The following DLC1 variants were observed in gnomAD, a reference collection of about 807,000 sequenced individuals.
The protein encoded by DLC1 is rho GTPase-activating protein 7.
Under a neutral mutation model 140.3 loss-of-function variants are expected in DLC1, and 54 were observed. The observed-to-expected ratio is 0.38, with a 90% CI of 0.31 to 0.48. The LOEUF (loss-of-function observed/expected upper bound fraction) is 0.48. Ranked by LOEUF, DLC1 falls within the 20% of genes least tolerant of loss-of-function variation. DLC1 has a pLI of 0.96. For synonymous variants in DLC1, 986 were observed against 728.1 expected (o/e 1.35, Z -5.70); for missense variants, 2,536 against 1,907.0 (o/e 1.33, Z -6.14).
intron 5 of DLC1, among the ~76,000 whole-genome samples, chr8:13,178,443 T>G (rs1368758424): frequency 6.6e-6 from 1 of 151,880 alleles, no homozygotes; most frequent in African/African-American, 2.4e-5. Context: ...GCGCCTGTAG[T>G]TCCTCCTAGT....
chr8:13,251,021 G>C (rs1829980367), intron 5 of DLC1, among the ~76,000 whole-genome samples: 2 of 152,202 alleles, frequency 1.3e-5, no homozygotes, highest in South Asian at 4.1e-4. Context: ...TGCTGGACTT[G>C]AAAGTCCAAG....
At chr8:13,508,458 C>G (rs903801285) in intron 1 of DLC1, among the ~76,000 whole-genome samples, 15 of 146,950 alleles carry the variant, frequency 1.0e-4, no homozygotes, top group Non-Finnish European at 1.8e-4. Context: ...CGCTCTGTCG[C>G]CCAGGCTGGA....
At chr8:13,200,200 G>T (rs1056435539) in intron 5 of DLC1, among the ~76,000 whole-genome samples, 1 of 151,638 alleles carries the variant, frequency 6.6e-6, no homozygotes, top group Non-Finnish European at 1.5e-5. Flanking sequence ...ATGCTACCAC[G>T]CCCTGCAAAT....
intron 1 of DLC1, chr8:13,558,840 G>T (rs986692483): frequency 6.6e-6 from 1 of 152,266 alleles, no homozygotes; most frequent in East Asian, 1.9e-4. Flanking sequence ...TGACATAGAT[G>T]AGTGAGTTCA....
intron 1 of DLC1, among the ~76,000 whole-genome samples, chr8:13,529,139 A>C (rs1172219889): frequency 2.0e-5 from 3 of 152,206 alleles, no homozygotes. Flanking sequence ...GTTTTTCTTA[A>C]AATAAAATGG....
intron 2 of DLC1, among the ~76,000 whole-genome samples, chr8:13,423,560 G>C (rs973320754): frequency 6.6e-6 from 1 of 152,038 alleles, no homozygotes. Context: ...AGAAGTATTA[G>C]TATCTTCAGT....
Position 13,100,341 on chromosome 8 carries a change from T to A in DLC1, c.1996A>T (p.Ser666Cys), listed in dbSNP as rs139778805. The change falls in exon 9 of 18, where the codon AGT becomes TGT. Residue 666 changes from serine to cysteine, a missense_variant. Coordinates refer to ENST00000276297, the MANE Select transcript of DLC1 (RefSeq NM_182643.3). Reference protein sequence around the residue: ...HEKTAKSKTRSLLKRMESLKL... With the variant: ...HEKTAKSKTRCLLKRMESLKL... ...AGGCTCTCCATCCGTTTCAGCAGAC[T>A]GCGCGTCTTGGACTTGGCAGTTTTT... 170 of 1,614,242 alleles carry A rather than the reference T, an allele frequency of 1.1e-4. No individual in the cohort carries two copies. The African/African-American group carries it at 1.2e-3, about 11-fold the overall frequency.
intron 1 of DLC1, among the ~76,000 whole-genome samples, chr8:13,505,308 C>T (rs1802006048): frequency 6.6e-6 from 1 of 151,762 alleles, no homozygotes; most frequent in Non-Finnish European, 1.5e-5. Flanking sequence ...GGGAGATAGT[C>T]ACTTTCTGTA....
chr8:13,569,167 T>TATC (rs1563447303), intron 1 of DLC1, among the ~76,000 whole-genome samples: 1 of 152,194 alleles, frequency 6.6e-6, no homozygotes, highest in Non-Finnish European at 1.5e-5. Context: ...AGCCATTTAT[T>TATC]ATCTATTTCC....
intron 5 of DLC1, among the ~76,000 whole-genome samples, chr8:13,238,445 G>A (rs1829391906): frequency 6.6e-6 from 1 of 151,926 alleles, no homozygotes; most frequent in South Asian, 2.1e-4. Flanking sequence ...CTCAAGAGGT[G>A]GAGGCTGCAG....
intron 5 of DLC1, among the ~76,000 whole-genome samples, chr8:13,241,842 T>G (rs1041266301): frequency 2.0e-5 from 3 of 152,030 alleles, no homozygotes; most frequent in Non-Finnish European, 4.4e-5. Flanking sequence ...GACCCCGGGG[T>G]CCTTTCATTT....
In DLC1 at chr8:13,246,409, G is replaced by A. The variant is rs1829764093; in HGVS notation, c.1348+58860C>T. ...AGGTGTCAATGATGATACTATTAGTGTAGTGTGAAGTTATTAATGTTTCAA... is the reference window on the plus strand; with the variant it reads ...AGGTGTCAATGATGATACTATTAGTATAGTGTGAAGTTATTAATGTTTCAA... On this transcript the variant is annotated intron_variant, in intron 5 of 17. Transcript: ENST00000276297. Among the ~76,000 whole-genome samples, 5 of 152,202 alleles carry A rather than the reference G, an allele frequency of 3.3e-5. 1 individual carries two copies. Among genetic ancestry groups the A allele is most frequent in the Admixed American group, 1.3e-4 (2 of 15,288 alleles).
intron 5 of DLC1, among the ~76,000 whole-genome samples, chr8:13,257,298 A>G (rs761306346): frequency 2.4e-4 from 36 of 152,074 alleles, no homozygotes; most frequent in Non-Finnish European, 4.4e-4. Context: ...TCAGCTGAGC[A>G]AGGTGGTGCA....
At chr8:13,243,452 A>G (rs1401456518) in intron 5 of DLC1, among the ~76,000 whole-genome samples, 1 of 152,074 alleles carries the variant, frequency 6.6e-6, no homozygotes, top group Non-Finnish European at 1.5e-5. Flanking sequence ...AACTGAGTCA[A>G]TTAAACCTCT....
intron 5 of DLC1, among the ~76,000 whole-genome samples, chr8:13,261,709 G>A (rs189960933): frequency 6.6e-6 from 1 of 152,086 alleles, no homozygotes; most frequent in Non-Finnish European, 1.5e-5. Context: ...GCTGATGGAA[G>A]AAATGTAGGG....
chr8:13,361,616 T>C (rs982432637), intron 4 of DLC1, among the ~76,000 whole-genome samples: 15 of 152,156 alleles, frequency 9.9e-5, no homozygotes, highest in African/African-American at 3.4e-4. Context: ...GGTATCATTT[T>C]AAATAAGTAG....
chr8:13,495,205 T>A (rs2117181701), intron 2 of DLC1, among the ~76,000 whole-genome samples: 1 of 152,344 alleles, frequency 6.6e-6, no homozygotes, highest in African/African-American at 2.4e-5. Context: ...TCAGAACTAT[T>A]TAAGTAGTCT....
At chr8:13,514,945 G>A (rs773373971), upstream of DLC1, 193 of 281,814 alleles carry the variant, frequency 6.8e-4, no homozygotes, top group Non-Finnish European at 9.6e-4. Flanking sequence ...AAGGCTGTAC[G>A]AAGAGAGGGG....
intron 5 of DLC1, chr8:13,133,262 G>T (rs1033369482): frequency 1.5e-6 from 2 of 1,344,020 alleles, no homozygotes; most frequent in African/African-American, 3.1e-5. Context: ...GGAGCGAAGC[G>T]CCCTCGCTCG....
Sources: gnomAD v4.1 joint callset for allele counts (sites outside exome capture counted in the v4.1 genomes callset) on GRCh38, gnomAD v4.1.1 for gene constraint, MANE v1.5 for transcripts, NCBI Gene and HGNC (gene_info 2026-07-23, HGNC 2026-07-21) for gene names.